Variants in AUTS2 observed in about 807,000 individuals in gnomAD.
AUTS2 encodes activator of transcription and developmental regulator AUTS2.
In AUTS2, 17 loss-of-function variants were observed where a neutral mutation model predicts 112.4. That is an observed-to-expected ratio of 0.15 (90% confidence interval 0.10 to 0.23). The LOEUF is 0.23. Among genes scored for constraint, AUTS2 ranks in the 10% least tolerant of loss-of-function variants. The probability of loss-of-function intolerance (pLI) is 1.00; values close to 1 mark genes in which losing one functional copy is unlikely to be tolerated. For synonymous variants in AUTS2, 751 were observed against 702.7 expected (o/e 1.07, Z -1.09); for missense variants, 1,510 against 1,701.6 (o/e 0.89, Z 1.98).
chr7:69,696,214 G>C (rs1021702039), intron 1 of AUTS2, among the ~76,000 whole-genome samples: 1 of 152,130 alleles, frequency 6.6e-6, no homozygotes, highest in African/African-American at 2.4e-5. Flanking sequence ...AGCTGCATAG[G>C]CTCAAGAGGA....
At chr7:70,775,161 C>T (rs557368745) in intron 12 of AUTS2, 196 bp from the exon 13 acceptor site, 1 of 598,614 alleles carries the variant, frequency 1.7e-6, no homozygotes, top group Admixed American at 3.1e-5. Flanking sequence ...TGTACCAAGG[C>T]TTGTGAAGTG....
intron 4 of AUTS2, among the ~76,000 whole-genome samples, chr7:70,241,341 G>C (rs1753967982): frequency 6.6e-6 from 1 of 151,976 alleles, no homozygotes; most frequent in South Asian, 2.1e-4. Context: ...TTACATACTT[G>C]CCTTTGTTTT....
chr7:70,118,263 A>AAC, intron 3 of AUTS2, 30 bp downstream of exon 3: 3 of 1,544,602 alleles, frequency 1.9e-6, no homozygotes, highest in Non-Finnish European at 2.6e-6. Context: ...AAAAAAAAAA[A>AAC]AAAATTAACG....
chr7:70,561,941 A>T (rs1563042632), intron 5 of AUTS2, among the ~76,000 whole-genome samples: 1 of 151,956 alleles, frequency 6.6e-6, no homozygotes, highest in Non-Finnish European at 1.5e-5. Flanking sequence ...CACGGGGTGG[A>T]TCCCTCATGA....
chr7:70,186,158 A>C (rs921138900), intron 4 of AUTS2, among the ~76,000 whole-genome samples: 1 of 152,102 alleles, frequency 6.6e-6, no homozygotes, highest in African/African-American at 2.4e-5. Flanking sequence ...TAATGGGATT[A>C]CATTTTAGGG....
Position 70,559,115 on chromosome 7 carries a change from CCCTGCACATGCTCCCT to C in AUTS2, c.690+123336_690+123351del, listed in dbSNP as rs2129522489. Among the ~76,000 whole-genome samples the C allele has an allele frequency of 1.3e-5, 2 of 152,264 alleles. 1 individual carries two copies. The highest frequency in any genetic ancestry group is 4.2e-4 in the South Asian group (2 of 4,812). On this transcript the variant is annotated intron_variant, in intron 5 of 18. Coordinates refer to ENST00000342771, the MANE Select transcript of AUTS2 (RefSeq NM_015570.4). ...CTGATGGTTTTATAGAAGGGAGTCTCCCTGCACATGCTCCCTCTTTGCCTGCCGCCATGTAAGATGT... is the reference window on the plus strand; with the variant it reads ...CTGATGGTTTTATAGAAGGGAGTCTCCTTTGCCTGCCGCCATGTAAGATGT...
At chr7:70,175,548 T>C (rs1808940875) in intron 4 of AUTS2, among the ~76,000 whole-genome samples, 2 of 152,164 alleles carry the variant, frequency 1.3e-5, no homozygotes. Flanking sequence ...GAAGAGTCAG[T>C]TGATGGAGCA....
chr7:70,062,667 T>A (rs546722435), intron 2 of AUTS2, among the ~76,000 whole-genome samples: 1 of 152,248 alleles, frequency 6.6e-6, no homozygotes, highest in African/African-American at 2.4e-5. Context: ...TTCTCTCTCA[T>A]GTTACGCATG....
chr7:69,987,323 C>T (rs1001774276), intron 2 of AUTS2, among the ~76,000 whole-genome samples: 13 of 152,024 alleles, frequency 8.6e-5, no homozygotes, highest in Non-Finnish European at 1.3e-4. Context: ...AATCCTAGTT[C>T]GAGGGAAATG....
At chr7:69,638,363 A>G (rs943436401) in intron 1 of AUTS2, among the ~76,000 whole-genome samples, 2 of 152,226 alleles carry the variant, frequency 1.3e-5, no homozygotes, top group African/African-American at 4.8e-5. Context: ...AGATGAAGTG[A>G]CATCTTTCTC....
At chr7:70,642,970 A>G (rs1805925950) in intron 5 of AUTS2, among the ~76,000 whole-genome samples, 1 of 152,076 alleles carries the variant, frequency 6.6e-6, no homozygotes, top group East Asian at 1.9e-4. Context: ...CATCAGGCCC[A>G]CCCTGAAGGG....
chr7:69,723,030 C>A (rs189723788), intron 1 of AUTS2, among the ~76,000 whole-genome samples: 3 of 152,166 alleles, frequency 2.0e-5, no homozygotes, highest in Non-Finnish European at 4.4e-5. Flanking sequence ...TAGAACTGTT[C>A]AGAAGCAAGA....
At chr7:70,625,868 C>T (rs1021261674) in intron 5 of AUTS2, among the ~76,000 whole-genome samples, 6 of 152,084 alleles carry the variant, frequency 3.9e-5, no homozygotes, top group Non-Finnish European at 7.4e-5. Flanking sequence ...TTTCAGCTTT[C>T]GAATCATCTG....
chr7:69,672,289 C>T (rs1434342421), intron 1 of AUTS2, among the ~76,000 whole-genome samples: 1 of 152,010 alleles, frequency 6.6e-6, no homozygotes, highest in African/African-American at 2.4e-5. Flanking sequence ...GAACTCCCGA[C>T]CTCAGGTGAT....
At chr7:70,162,042 T>G (rs1808102186) in intron 4 of AUTS2, among the ~76,000 whole-genome samples, 1 of 152,174 alleles carries the variant, frequency 6.6e-6, no homozygotes, top group Non-Finnish European at 1.5e-5. Context: ...AAATCAGCTT[T>G]ATTCCAAGAT....
intron 1 of AUTS2, among the ~76,000 whole-genome samples, chr7:69,619,394 A>G (rs1477541632): frequency 6.6e-6 from 1 of 152,060 alleles, no homozygotes; most frequent in Non-Finnish European, 1.5e-5. Flanking sequence ...CTTGGAAGTC[A>G]GGGGGATGCA....
intron 1 of AUTS2, among the ~76,000 whole-genome samples, chr7:69,747,025 G>A (rs183211188): frequency 3.6e-4 from 55 of 152,334 alleles, no homozygotes; most frequent in African/African-American, 1.3e-3. Flanking sequence ...CGTGGCAGAA[G>A]CCTAAGTATC....
At chr7:69,694,145 G>A (rs1218799234) in intron 1 of AUTS2, among the ~76,000 whole-genome samples, 2 of 152,160 alleles carry the variant, frequency 1.3e-5, no homozygotes, top group Non-Finnish European at 2.9e-5. Context: ...GGGCAGTTAG[G>A]TGGAACTAAT....
At chr7:70,009,640 T>C (rs1799707709) in intron 2 of AUTS2, among the ~76,000 whole-genome samples, 3 of 152,210 alleles carry the variant, frequency 2.0e-5, no homozygotes, top group East Asian at 1.9e-4. Flanking sequence ...ATAAAAATGA[T>C]GTTTCCTTAT....
Sources: allele counts gnomAD v4.1 joint callset (sites outside exome capture counted in the v4.1 genomes callset), GRCh38; gene constraint gnomAD v4.1.1; transcripts MANE v1.5; gene names NCBI Gene and HGNC (gene_info 2026-07-23, HGNC 2026-07-21).